CACNA1C: variants seen among roughly 807,000 people sequenced by gnomAD.
CACNA1C encodes the protein voltage-dependent L-type calcium channel subunit alpha-1C.
A neutral mutation model predicts 229.0 loss-of-function variants in CACNA1C; 30 were observed. The observed-to-expected ratio is 0.13, with a 90% confidence interval of 0.10 to 0.18. The LOEUF (loss-of-function observed/expected upper bound fraction) is 0.18. CACNA1C is among the 10% of genes least tolerant of loss of function. The probability of loss-of-function intolerance (pLI) is 1.00; values close to 1 mark genes in which losing one functional copy is unlikely to be tolerated. For missense variants in CACNA1C, 1,658 were observed against 2,845.0 expected (o/e 0.58, Z 9.49); for synonymous variants, 1,114 against 1,132.5 (o/e 0.98, Z 0.33).
At position 2,275,662 on chromosome 12, in the gene CACNA1C, C is replaced by T. The variant is rs140836249; in HGVS notation, c.477+155232C>T. Among the ~76,000 whole-genome samples, 815 of 150,950 alleles carry T rather than the reference C, an allele frequency of 5.4e-3. 7 individuals are homozygous for T. The highest frequency in any genetic ancestry group is 0.019 in the African/African-American group (767 of 40,302). On this transcript the variant is annotated intron_variant, in intron 3 of 46. Coordinates refer to ENST00000399655, the MANE Select transcript of CACNA1C (RefSeq NM_000719.7). This position sits in a 1 kb window ranked among gnomAD's most constrained non-coding sequence, Gnocchi z 4.1. The stretch of plus-strand genomic sequence containing the variant: ...TCTTTCCCCTCTCTCTGTGAGAAGA[C>T]GGCCAGTCTCAGATTGGATTTGACC...
chr12:2,634,232 G>A (rs914230285), intron 29 of CACNA1C, 65 bp from the exon 30 acceptor site: 3 of 177,756 alleles, frequency 1.7e-5, no homozygotes, highest in Non-Finnish European at 2.7e-5. Context: ...CTTCCCTTTT[G>A]TTTTGTTTTG....
rs74060007 is a variant in CACNA1C at position 2,034,303 on chromosome 12, G to A, written c.139+63102G>A. 6.6e-6 allele frequency among the ~76,000 whole-genome samples: 1 copy of A among 152,178 alleles called. No individual in the cohort carries two copies. Among genetic ancestry groups the A allele is most frequent in the Non-Finnish European group, 1.5e-5 (1 of 68,048 alleles). The stretch of plus-strand genomic sequence containing the variant: ...GTGTTCCTTTTTGTAAGCCTCCCTG[G>A]TGTGTGGAAGGGAGTACACTTTCTC... On this transcript the variant is annotated intron_variant, in intron 1 of 46. Coordinates refer to the CACNA1C transcript ENST00000682462. This position sits in a 1 kb window ranked among gnomAD's most constrained non-coding sequence, Gnocchi z 4.1.
In CACNA1C at chr12:2,403,696, C is replaced by G. The variant is rs1231295177; in HGVS notation, c.478-45280C>G. Among the ~76,000 whole-genome samples the G allele has an allele frequency of 1.3e-5, 2 of 152,076 alleles. No individual in the cohort carries two copies. Among genetic ancestry groups the G allele is most frequent in the African/African-American group, 4.8e-5 (2 of 41,410 alleles). ...GATGACTCGTGCAACCTGCAGGGCC[C>G]CTCCTCCATCTCTCCAGTCCAGCCC... On this transcript the variant is annotated intron_variant, in intron 3 of 46. Coordinates refer to ENST00000399655, the MANE Select transcript of CACNA1C (RefSeq NM_000719.7). This position sits in a 1 kb window ranked among gnomAD's most constrained non-coding sequence, Gnocchi z 4.1.
intron 1 of CACNA1C, among the ~76,000 whole-genome samples, chr12:2,063,112 C>G (rs2154518818): frequency 6.6e-6 from 1 of 151,890 alleles, no homozygotes; most frequent in East Asian, 1.9e-4. Context: ...TTACTTTTGT[C>G]TCTATGGATT....
intron 3 of CACNA1C, among the ~76,000 whole-genome samples, chr12:2,151,681 A>G (rs1275143937): frequency 6.6e-6 from 1 of 152,176 alleles, no homozygotes; most frequent in Non-Finnish European, 1.5e-5. Context: ...TGAAGAAGGG[A>G]GATTTTTACC....
chr12:2,596,121 C>A, intron 20 of CACNA1C, 118 bp downstream of exon 20: 1 of 984,432 alleles, frequency 1.0e-6, no homozygotes. Context: ...ATAATTAGAT[C>A]CACAACTAAC....
chr12:2,452,635 A>C (rs907622960), intron 4 of CACNA1C, among the ~76,000 whole-genome samples: 1 of 152,160 alleles, frequency 6.6e-6, no homozygotes, highest in African/African-American at 2.4e-5. Context: ...CATTGAGGAG[A>C]AATACACCAG....
intron 3 of CACNA1C, among the ~76,000 whole-genome samples, chr12:2,429,298 A>G (rs2099061050): frequency 6.6e-6 from 1 of 152,146 alleles, no homozygotes; most frequent in Non-Finnish European, 1.5e-5. Flanking sequence ...TGGAAAAGAC[A>G]TGTATTTGGG....
intron 3 of CACNA1C, among the ~76,000 whole-genome samples, chr12:2,257,520 C>T (rs2078441974): frequency 6.6e-6 from 1 of 152,238 alleles, no homozygotes; most frequent in African/African-American, 2.4e-5. Context: ...GGTTTGCTCC[C>T]ATGAGAATCT....
chr12:2,468,815 T>C (rs2099574432), intron 5 of CACNA1C, among the ~76,000 whole-genome samples: 1 of 152,258 alleles, frequency 6.6e-6, no homozygotes, highest in Non-Finnish European at 1.5e-5. Flanking sequence ...CTGTGTGACC[T>C]TGTCATTTAA....
At chr12:2,132,305 C>T in intron 3 of CACNA1C, among the ~76,000 whole-genome samples, 1 of 91,906 alleles carries the variant, frequency 1.1e-5, no homozygotes, top group African/African-American at 4.9e-5. Flanking sequence ...TTTCCTTCTC[C>T]TGCCTAATTG....
Position 2,457,169 on chromosome 12 carries a change from A to C in CACNA1C, c.618-398A>C, listed in dbSNP as rs57557838. Reference sequence around the variant, plus strand: ...TCTAGAAGGAAGGAGGTGGGGAAACAGAGCACATGGTTGCTGGCACACCTG... The same window carrying C: ...TCTAGAAGGAAGGAGGTGGGGAAACCGAGCACATGGTTGCTGGCACACCTG... On this transcript the variant is annotated intron_variant, in intron 4 of 46. Coordinates refer to ENST00000399655, the MANE Select transcript of CACNA1C (RefSeq NM_000719.7). Among the ~76,000 whole-genome samples the C allele has an allele frequency of 4.0e-3, 611 of 152,362 alleles. 4 individuals carry two copies. Among genetic ancestry groups the C allele is most frequent in the African/African-American group, 0.013 (544 of 41,588 alleles).
intron 3 of CACNA1C, among the ~76,000 whole-genome samples, chr12:2,186,623 A>G (rs1453883762): frequency 1.3e-5 from 2 of 152,170 alleles, no homozygotes; most frequent in East Asian, 1.9e-4. Context: ...TGTTCATACC[A>G]TGTGCCTGGA....
intron 3 of CACNA1C, among the ~76,000 whole-genome samples, chr12:2,279,500 T>A (rs1163773970): frequency 6.6e-6 from 1 of 152,270 alleles, no homozygotes; most frequent in Non-Finnish European, 1.5e-5. Flanking sequence ...GCTCTGTTAA[T>A]AGGTGCATGA....
chr12:2,089,661 T>C (rs11062114), intron 1 of CACNA1C, among the ~76,000 whole-genome samples: 18,880 of 152,200 alleles, frequency 0.12, 2,804 homozygotes, highest in African/African-American at 0.36. Context: ...GTTTTCAATC[T>C]GAATCATTTT....
intron 30 of CACNA1C, among the ~76,000 whole-genome samples, chr12:2,637,660 G>A (rs143250229): frequency 3.7e-4 from 56 of 152,366 alleles, no homozygotes; most frequent in African/African-American, 9.1e-4. Flanking sequence ...CATTAGCAGC[G>A]TATGGGCGGC....
At chr12:2,083,734 A>G (rs975779393) in intron 1 of CACNA1C, among the ~76,000 whole-genome samples, 1 of 152,232 alleles carries the variant, frequency 6.6e-6, no homozygotes, top group African/African-American at 2.4e-5. Context: ...TTGCTCTGCC[A>G]TATTTCAGTG....
intron 3 of CACNA1C, among the ~76,000 whole-genome samples, chr12:2,121,865 G>A (rs533753734): frequency 5.9e-5 from 9 of 152,304 alleles, no homozygotes; most frequent in South Asian, 2.1e-4. Flanking sequence ...AGGAGCCTTC[G>A]TTCCACATAG....
chr12:2,272,753 C>T (rs923675841), intron 3 of CACNA1C, among the ~76,000 whole-genome samples: 4 of 152,182 alleles, frequency 2.6e-5, no homozygotes, highest in Non-Finnish European at 5.9e-5. Flanking sequence ...GTGGCCACTG[C>T]CTGGGACTTG....
Sources: gnomAD v4.1 joint callset for allele counts (sites outside exome capture counted in the v4.1 genomes callset) on GRCh38, gnomAD v4.1.1 for gene constraint, Gnocchi (gnomAD v3.1) non-coding constraint, MANE v1.5 for transcripts, NCBI Gene and HGNC (gene_info 2026-07-23, HGNC 2026-07-21) for gene names.